The following CCSER2 variants were observed in gnomAD, a reference collection of about 807,000 sequenced individuals.
CCSER2 encodes serine-rich coiled-coil domain-containing protein 2.
A neutral mutation model predicts 92.3 loss-of-function variants in CCSER2; 46 were observed. The observed-to-expected ratio is 0.50, with a 90% CI of 0.39 to 0.64. The LOEUF is 0.64. Among genes scored for constraint, CCSER2 ranks in the 30% least tolerant of loss-of-function variants. The probability of loss-of-function intolerance (pLI) is 0.00; values close to 1 mark genes in which losing one functional copy is unlikely to be tolerated. For synonymous variants in CCSER2, 433 were observed against 431.4 expected (o/e 1.00, Z -0.04); for missense variants, 1,244 against 1,238.9 (o/e 1.00, Z -0.06).
intron 1 of CCSER2, among the ~76,000 whole-genome samples, chr10:84,352,222 T>C (rs1277961375): frequency 6.6e-6 from 1 of 152,056 alleles, no homozygotes; most frequent in Non-Finnish European, 1.5e-5. Context: ...GAGAATTGCT[T>C]GAACTCAGGA....
At chr10:84,461,546 T>G (rs917024306) in intron 6 of CCSER2, among the ~76,000 whole-genome samples, 1 of 152,164 alleles carries the variant, frequency 6.6e-6, no homozygotes, top group Non-Finnish European at 1.5e-5. Flanking sequence ...ACTCTTTAAG[T>G]TTATTGTATA....
At chr10:84,418,359 C>G (rs75313731) in intron 4 of CCSER2, among the ~76,000 whole-genome samples, 3,632 of 152,206 alleles carry the variant, frequency 0.024, 136 homozygotes, top group African/African-American at 0.083. Flanking sequence ...TGGGGTGAGG[C>G]TTTAGGTAAT....
intron 3 of CCSER2, among the ~76,000 whole-genome samples, chr10:84,381,889 C>T (rs1401419495): frequency 7.0e-6 from 1 of 142,996 alleles, no homozygotes; most frequent in African/African-American, 2.6e-5. Flanking sequence ...TGCCACACTC[C>T]AGCCTGGGTG....
chr10:84,505,151 AT>A (rs1025397333), intron 9 of CCSER2, among the ~76,000 whole-genome samples: 2 of 152,102 alleles, frequency 1.3e-5, no homozygotes, highest in Non-Finnish European at 2.9e-5. Flanking sequence ...ACACATTTTT[AT>A]ATGGTAAATA....
chr10:84,450,908 TTGTG>T (rs1445520257), intron 6 of CCSER2, among the ~76,000 whole-genome samples: 1 of 152,200 alleles, frequency 6.6e-6, no homozygotes, highest in African/African-American at 2.4e-5. Flanking sequence ...GTATAATAAA[TTGTG>T]TGTTGTATAA....
intron 1 of CCSER2, among the ~76,000 whole-genome samples, chr10:84,339,339 T>C (rs756893377): frequency 1.1e-4 from 16 of 152,064 alleles, no homozygotes; most frequent in Non-Finnish European, 2.2e-4. Flanking sequence ...TGATGTTTCT[T>C]ACCATAGGAC....
At chr10:84,436,118 A>G (rs1374705349) in intron 5 of CCSER2, among the ~76,000 whole-genome samples, 2 of 151,838 alleles carry the variant, frequency 1.3e-5, no homozygotes, top group Non-Finnish European at 2.9e-5. Flanking sequence ...TCACGAGGTC[A>G]GGAGATCGAG....
chr10:84,468,698 G>A (rs544453234), intron 7 of CCSER2, among the ~76,000 whole-genome samples: 4 of 151,778 alleles, frequency 2.6e-5, no homozygotes, highest in Admixed American at 6.5e-5. Flanking sequence ...TTTTATTCCC[G>A]TTGTCCTCTT....
intron 9 of CCSER2, among the ~76,000 whole-genome samples, chr10:84,496,114 A>G (rs978803588): frequency 2.0e-5 from 3 of 152,074 alleles, no homozygotes; most frequent in Admixed American, 1.3e-4. Context: ...ACACACATAC[A>G]TATATATTTA....
intron 3 of CCSER2, among the ~76,000 whole-genome samples, chr10:84,387,097 A>G (rs555668429): frequency 2.0e-4 from 30 of 152,264 alleles, no homozygotes; most frequent in African/African-American, 7.2e-4. Context: ...AAAAATCTGT[A>G]TCCATGTTCA....
intron 1 of CCSER2, among the ~76,000 whole-genome samples, chr10:84,358,480 A>C (rs1419172488): frequency 6.6e-6 from 1 of 152,004 alleles, no homozygotes; most frequent in Non-Finnish European, 1.5e-5. Context: ...CTAGCTCTGG[A>C]AAGTAATTTT....
chr10:84,441,733 AATGTT>A (rs1844549280), intron 6 of CCSER2, among the ~76,000 whole-genome samples: 2 of 115,986 alleles, frequency 1.7e-5, no homozygotes, highest in Non-Finnish European at 3.7e-5. Flanking sequence ...AGACTGGGAA[AATGTT>A]TTTTTTTTTT....
chr10:84,393,572 C>G (rs183074885), intron 3 of CCSER2, among the ~76,000 whole-genome samples: 1 of 152,022 alleles, frequency 6.6e-6, no homozygotes, highest in African/African-American at 2.4e-5. Flanking sequence ...CCCTCTGTGC[C>G]GTAGATGTAT....
intron 6 of CCSER2, among the ~76,000 whole-genome samples, chr10:84,460,344 T>TC (rs959604128): frequency 8.0e-5 from 12 of 150,636 alleles, no homozygotes; most frequent in East Asian, 3.9e-4. Flanking sequence ...CCTCAGGTGA[T>TC]CCCCCCCGTC....
chr10:84,433,968 A>T (rs1843948093), intron 5 of CCSER2, among the ~76,000 whole-genome samples: 2 of 152,172 alleles, frequency 1.3e-5, no homozygotes, highest in South Asian at 4.1e-4. Flanking sequence ...ATCTCACTTC[A>T]CTAACACATG....
chr10:84,392,894 A>G (rs1487487242), intron 3 of CCSER2, among the ~76,000 whole-genome samples: 1 of 152,070 alleles, frequency 6.6e-6, no homozygotes, highest in Admixed American at 6.6e-5. Context: ...CTAGGCCAAT[A>G]TGTTATTTTT....
rs540658357 is a variant in CCSER2 at position 84,482,640 on chromosome 10, C to T, written c.2325+4976C>T. Reference sequence around the variant, plus strand: ...CTTTTGTAGTCCATTTGTTTGAACACCTCAAGTTAACCAGAGAAGCCAAAA... The same window carrying T: ...CTTTTGTAGTCCATTTGTTTGAACATCTCAAGTTAACCAGAGAAGCCAAAA... On this transcript the variant is annotated intron_variant, in intron 9 of 9. Coordinates refer to ENST00000372088, the MANE Select transcript of CCSER2 (RefSeq NM_001284240.2). 2.6e-5 allele frequency among the ~76,000 whole-genome samples: 4 copies of T among 152,240 alleles called. No homozygotes were observed. The South Asian group carries it at 8.3e-4, about 32-fold the overall frequency.
intron 4 of CCSER2, among the ~76,000 whole-genome samples, chr10:84,420,997 C>T (rs921777300): frequency 2.0e-5 from 3 of 151,370 alleles, no homozygotes; most frequent in African/African-American, 7.3e-5. Context: ...ACTAATTCTC[C>T]CAGTATCAGT....
chr10:84,510,432 G>C (rs982385803), intron 9 of CCSER2, among the ~76,000 whole-genome samples: 1 of 152,018 alleles, frequency 6.6e-6, no homozygotes, highest in African/African-American at 2.4e-5. Context: ...CCCTCACTAA[G>C]CTCCTCAAGC....
Sources: allele counts gnomAD v4.1 joint callset (sites outside exome capture counted in the v4.1 genomes callset), GRCh38; gene constraint gnomAD v4.1.1; transcripts MANE v1.5; gene names NCBI Gene and HGNC (gene_info 2026-07-23, HGNC 2026-07-21).